SLC25A48: variants seen among roughly 807,000 people sequenced by gnomAD.
SLC25A48 encodes the protein solute carrier family 25 member 48, also known as CTC-321K16.1.
SLC25A48 carries 29 observed loss-of-function variants against 32.2 expected under a neutral mutation model. That is an observed-to-expected ratio of 0.90 (90% CI 0.67 to 1.23). The LOEUF (loss-of-function observed/expected upper bound fraction) is 1.23. Among genes scored for constraint, SLC25A48 ranks in the 50% most tolerant of loss-of-function variants. The pLI, the probability that SLC25A48 is intolerant of heterozygous loss-of-function variation, is 0.00. For synonymous variants in SLC25A48, 164 were observed against 172.3 expected (o/e 0.95, Z 0.38); for missense variants, 399 against 422.7 (o/e 0.94, Z 0.49).
chr5:135,704,221 C>G (rs1290310068), intron 3 of SLC25A48, among the ~76,000 whole-genome samples: 2 of 152,174 alleles, frequency 1.3e-5, no homozygotes, highest in Admixed American at 1.3e-4. Flanking sequence ...GGAGCAAATT[C>G]CCTGAATGTG....
intron 1 of SLC25A48, among the ~76,000 whole-genome samples, chr5:135,627,691 A>G (rs1476886022): frequency 1.3e-5 from 2 of 152,056 alleles, no homozygotes; most frequent in South Asian, 2.1e-4. Context: ...AGGAGTCAGC[A>G]TTTGCTGCAG....
intron 3 of SLC25A48, among the ~76,000 whole-genome samples, chr5:135,720,283 C>T (rs532285657): frequency 1.3e-5 from 2 of 152,262 alleles, no homozygotes; most frequent in Admixed American, 6.5e-5. Flanking sequence ...TCTGTGTTGC[C>T]AGGGCCCGGA....
chr5:135,673,908 G>A (rs1318587901), intron 3 of SLC25A48, among the ~76,000 whole-genome samples: 1 of 151,028 alleles, frequency 6.6e-6, no homozygotes, highest in African/African-American at 2.5e-5. Context: ...GATGAGGTAA[G>A]GGTCAAGGCT....
chr5:135,750,770 CTT>C (rs760153020), intron 3 of SLC25A48, among the ~76,000 whole-genome samples: 1 of 152,166 alleles, frequency 6.6e-6, no homozygotes, highest in African/African-American at 2.4e-5. Flanking sequence ...GGCTGTCTAA[CTT>C]TGCCCTCCTA....
intron 4 of SLC25A48, among the ~76,000 whole-genome samples, chr5:135,859,103 C>T (rs759970756): frequency 7.2e-5 from 11 of 152,150 alleles, no homozygotes; most frequent in Non-Finnish European, 1.5e-4. Context: ...AGACTCATCA[C>T]GACAGGGAGC....
rs774172723 is a variant in SLC25A48 at position 135,784,818 on chromosome 5, C to T, written c.-520-27705C>T. Among the ~76,000 whole-genome samples, 12 of 117,964 alleles carry T rather than the reference C, an allele frequency of 1.0e-4. 2 individuals carry two copies. Among genetic ancestry groups the T allele is most frequent in the Non-Finnish European group, 1.7e-4 (8 of 47,926 alleles). The allele number at this position is 117,964 out of a possible 152,430, so 77.4% of individuals were successfully genotyped here. A position where few individuals can be genotyped will look rare whatever the true frequency, so the allele number is the denominator to read the frequency against. On this transcript the variant is annotated intron_variant, in intron 3 of 10. Transcript: ENST00000646290. Reference sequence around the variant, plus strand: ...TCATAAAAGTGAAAGCATGATATTACTCCCAATATCGTAAGAAATGTATAC... The same window carrying T: ...TCATAAAAGTGAAAGCATGATATTATTCCCAATATCGTAAGAAATGTATAC...
intron 3 of SLC25A48, among the ~76,000 whole-genome samples, chr5:135,774,386 T>C (rs1756494431): frequency 6.6e-6 from 1 of 151,722 alleles, no homozygotes; most frequent in Non-Finnish European, 1.5e-5. Flanking sequence ...GTTCCTAATA[T>C]CCAGGGTGGG....
chr5:135,623,431 T>C (rs1488007363), intron 1 of SLC25A48, among the ~76,000 whole-genome samples: 2 of 152,182 alleles, frequency 1.3e-5, no homozygotes, highest in Non-Finnish European at 2.9e-5. Flanking sequence ...AGCATCTGCC[T>C]GAGGATACCA....
intron 4 of SLC25A48, among the ~76,000 whole-genome samples, chr5:135,866,273 C>T (rs1761197301): frequency 6.6e-6 from 1 of 152,244 alleles, no homozygotes; most frequent in South Asian, 2.1e-4. Flanking sequence ...CCTTTGTGCT[C>T]CTGAGGGCCA....
intron 3 of SLC25A48, among the ~76,000 whole-genome samples, chr5:135,747,257 T>G (rs1755662922): frequency 6.6e-6 from 1 of 151,816 alleles, no homozygotes; most frequent in African/African-American, 2.4e-5. Context: ...CAGTTTCATA[T>G]ATGATATCTA....
rs992140848 is a variant in SLC25A48 at position 135,871,728 on chromosome 5, G to A, written c.679+10G>A. ...GCGGGCGGCATGGCAGGTAAGGGCA[G>A]CAGCAGCTGGAGCCGCACCCCTGTG... is the stretch of plus-strand genomic sequence containing the variant. On this transcript the variant is annotated intron_variant, in intron 5 of 7. Transcript: ENST00000681962. The A allele has an allele frequency of 1.2e-5, 20 of 1,612,124 alleles. No homozygotes were observed. The highest frequency in any genetic ancestry group is 1.7e-5 in the Non-Finnish European group (20 of 1,179,100).
Position 135,755,840 on chromosome 5 carries a change from T to G in SLC25A48, c.-520-56683T>G, listed in dbSNP as rs567342834. Among the ~76,000 whole-genome samples, 7 of 136,700 alleles carry G rather than the reference T, an allele frequency of 5.1e-5. No homozygotes were observed. In the East Asian group the frequency reaches 1.7e-3, roughly 33 times the overall value. The allele number at this position is 136,700 out of a possible 152,430, so 89.7% of individuals were successfully genotyped here. A position where few individuals can be genotyped will look rare whatever the true frequency, so the allele number is the denominator to read the frequency against. On this transcript the variant is annotated intron_variant, in intron 3 of 10. Transcript: ENST00000646290. ...TCTCATATCTAATGTCAATGCAGTG[T>G]AGTATTAATGAAATATCGCTGTGAT...
In SLC25A48 at chr5:135,689,083, C is replaced by T. The variant is rs937409847; in HGVS notation, c.-521+54127C>T. Among the ~76,000 whole-genome samples, 8 of 152,126 alleles carry T rather than the reference C, an allele frequency of 5.3e-5. No homozygotes were observed. In the East Asian group the frequency reaches 5.8e-4, roughly 11 times the overall value. ...ATAGCTAGTAAGTTTGTCTAGCTTC[C>T]GAGTCTGTGAGCCTAACCACTATGC... On this transcript the variant is annotated intron_variant, in intron 3 of 10. Transcript: ENST00000646290.
chr5:135,734,240 T>C (rs1162364555), intron 3 of SLC25A48, among the ~76,000 whole-genome samples: 1 of 151,942 alleles, frequency 6.6e-6, no homozygotes, highest in Non-Finnish European at 1.5e-5. Context: ...GAGAGGAAGA[T>C]GCAAAGGAGG....
At chr5:135,618,379 T>G (rs943633434) in intron 1 of SLC25A48, among the ~76,000 whole-genome samples, 1 of 152,106 alleles carries the variant, frequency 6.6e-6, no homozygotes, top group African/African-American at 2.4e-5. Context: ...CCAATCTCTA[T>G]CTTTTAAGTG....
At chr5:135,886,648 A>ATGTGTGTG in intron 7 of SLC25A48, among the ~76,000 whole-genome samples, 1 of 64,742 alleles carries the variant, frequency 1.5e-5, no homozygotes, top group Non-Finnish European at 3.0e-5. Context: ...AAATATATAT[A>ATGTGTGTG]TGTGTGTGTG....
chr5:135,841,043 C>G (rs1758945837), intron 1 of SLC25A48, among the ~76,000 whole-genome samples: 1 of 152,218 alleles, frequency 6.6e-6, no homozygotes. Context: ...CAGCAATGTA[C>G]AAGAGTTCCA....
Position 135,850,437 on chromosome 5 carries a change from G to T in SLC25A48, c.103G>T (p.Ala35Ser). The change falls in exon 3 of 8, where the codon GCT becomes TCT. Residue 35 changes from alanine to serine, a missense_variant. By Grantham distance (99) the Ala-to-Ser change is moderately conservative. Transcript: ENST00000681962. ...CCTCTCTCCATAGACTCGCCTGCAGGCTGGCGTTGGCTACGGAAACACCCT... is the reference window on the plus strand; with the variant it reads ...CCTCTCTCCATAGACTCGCCTGCAGTCTGGCGTTGGCTACGGAAACACCCT... ...PLDTVKTRLQ[A>S]GVGYGNTLSC... is the part of the protein sequence containing the mutation. 6.2e-7 allele frequency: 1 copy of T among 1,614,176 alleles called. No homozygotes were observed. Among genetic ancestry groups the T allele is most frequent in the Non-Finnish European group, 8.5e-7 (1 of 1,180,028 alleles).
chr5:135,634,131 G>T (rs1752642998), intron 2 of SLC25A48, among the ~76,000 whole-genome samples: 2 of 152,188 alleles, frequency 1.3e-5, no homozygotes. Flanking sequence ...AGGTAAGAAG[G>T]CAGGGCCAAT....
Sources: gnomAD v4.1 joint callset for allele counts (sites outside exome capture counted in the v4.1 genomes callset) on GRCh38, gnomAD v4.1.1 for gene constraint, MANE v1.5 for transcripts, NCBI Gene and HGNC (gene_info 2026-07-23, HGNC 2026-07-21) for gene names.